The following CLIP1 variants were observed in gnomAD, a reference collection of about 807,000 sequenced individuals.
CLIP1 encodes the protein CAP-Gly domain-containing linker protein 1.
A neutral mutation model predicts 161.6 loss-of-function variants in CLIP1; 66 were observed. The observed-to-expected ratio is 0.41, with a 90% confidence interval of 0.33 to 0.50. The LOEUF (loss-of-function observed/expected upper bound fraction) is 0.50. CLIP1 is among the 20% of genes least tolerant of loss of function. The probability of loss-of-function intolerance (pLI) is 0.27; values close to 1 mark genes in which losing one functional copy is unlikely to be tolerated. For synonymous variants in CLIP1, 598 were observed against 626.2 expected (o/e 0.96, Z 0.67); for missense variants, 1,376 against 1,702.0 (o/e 0.81, Z 3.37).
chr12:122,361,815 G>A (rs1426190797), intron 4 of CLIP1, among the ~76,000 whole-genome samples: 2 of 152,180 alleles, frequency 1.3e-5, no homozygotes. Context: ...TGGGTGACGG[G>A]GTGGACTCTG....
chr12:122,314,290 C>CAAAA (rs35901280), intron 19 of CLIP1, among the ~76,000 whole-genome samples: 1 of 99,078 alleles, frequency 1.0e-5, no homozygotes, highest in Non-Finnish European at 2.1e-5. Flanking sequence ...GACTCCATCT[C>CAAAA]AAAAAAAAAA....
Position 122,393,482 on chromosome 12 carries a change from T to C in CLIP1, c.-106-12924A>G, listed in dbSNP as rs150599453. Among the ~76,000 whole-genome samples the C allele has an allele frequency of 5.9e-3, 903 of 152,194 alleles. 6 individuals carry two copies. The highest frequency in any genetic ancestry group is 0.021 in the African/African-American group (862 of 41,554). ...CAGCCAGACTGGCAATTTCAAGTTC[T>C]TACAACTTATGTGTACAGGATGGCT... On this transcript the variant is annotated intron_variant, in intron 1 of 25. Coordinates refer to ENST00000620786, the MANE Select transcript of CLIP1 (RefSeq NM_001247997.2).
chr12:122,356,334 T>C (rs1018532272), intron 5 of CLIP1, among the ~76,000 whole-genome samples: 1 of 152,226 alleles, frequency 6.6e-6, no homozygotes, highest in African/African-American at 2.4e-5. Flanking sequence ...CGACATCTGC[T>C]GGACTCTGTG....
intron 1 of CLIP1, among the ~76,000 whole-genome samples, chr12:122,383,516 T>C (rs533151198): frequency 6.6e-5 from 10 of 152,316 alleles, no homozygotes; most frequent in African/African-American, 2.4e-4. Flanking sequence ...TCCTCATGCC[T>C]CTGGTTGTCG....
At chr12:122,416,488 G>A (rs1247647566) in intron 1 of CLIP1, among the ~76,000 whole-genome samples, 2 of 152,152 alleles carry the variant, frequency 1.3e-5, no homozygotes, top group Non-Finnish European at 2.9e-5. Flanking sequence ...AGTCAGCACA[G>A]TAGTACAAGC....
At position 122,380,477 on chromosome 12, in the gene CLIP1, C is replaced by G. The variant is rs756517667; in HGVS notation, c.-25G>C. ...TTTTCTTTGTATGTCAGAGCTGTTT[C>G]TCCTTTGCCTGTTGCCACTATCTTT... On this transcript the variant is annotated 5_prime_UTR_variant, in exon 2 of 26. Transcript: ENST00000620786. 6.6e-7 allele frequency: 1 copy of G among 1,507,660 alleles called. No homozygotes were observed. 93.4% of individuals were successfully genotyped at this position (1,507,660 alleles called of 1,614,324 possible). A position where few individuals can be genotyped will look rare whatever the true frequency, so the allele number is the denominator to read the frequency against.
intron 4 of CLIP1, among the ~76,000 whole-genome samples, chr12:122,362,176 A>T (rs939494242): frequency 5.4e-5 from 8 of 149,248 alleles, no homozygotes; most frequent in Non-Finnish European, 1.0e-4. Flanking sequence ...ATGGTCTCGA[A>T]CTCCTGATCT....
intron 10 of CLIP1, chr12:122,342,032 C>A (rs918992156): frequency 1.2e-5 from 2 of 162,994 alleles, no homozygotes; most frequent in East Asian, 1.7e-4. Flanking sequence ...GATCCACTCG[C>A]CCCGGCCTCC....
At chr12:122,364,979 G>A (rs962613822) in intron 3 of CLIP1, 19 of 416,152 alleles carry the variant, frequency 4.6e-5, no homozygotes, top group East Asian at 3.2e-4. Flanking sequence ...GTAAACTATC[G>A]CAAGGACAAA....
chr12:122,285,611 T>C (rs1253401834), intron 21 of CLIP1, among the ~76,000 whole-genome samples: 1 of 151,744 alleles, frequency 6.6e-6, no homozygotes, highest in African/African-American at 2.4e-5. Context: ...AGTGCTGGGA[T>C]TACAGGCGTG....
intron 1 of CLIP1, chr12:122,396,493 T>C (rs2137031079): frequency 6.6e-6 from 1 of 152,298 alleles, no homozygotes; most frequent in Non-Finnish European, 1.5e-5. Flanking sequence ...TCAGAACAAT[T>C]ATCTCAATGG....
At chr12:122,347,571 C>T in intron 9 of CLIP1, 92 bp from the exon 10 acceptor site, 1 of 913,744 alleles carries the variant, frequency 1.1e-6, no homozygotes, top group Non-Finnish European at 1.8e-6. Context: ...GGCTGAGCCA[C>T]CAGTACCTTC....
chr12:122,379,533 A>G (rs912185522), intron 2 of CLIP1, among the ~76,000 whole-genome samples: 19 of 152,126 alleles, frequency 1.2e-4, no homozygotes, highest in Admixed American at 1.2e-3. Flanking sequence ...TGACAGTACC[A>G]CTGCCCTCCA....
At chr12:122,318,582 G>C (rs1951357454) in intron 18 of CLIP1, among the ~76,000 whole-genome samples, 1 of 152,020 alleles carries the variant, frequency 6.6e-6, no homozygotes, top group Non-Finnish European at 1.5e-5. Context: ...CAACAAAAAA[G>C]CATCTGAAGT....
chr12:122,385,371 A>G (rs922968745), intron 1 of CLIP1, among the ~76,000 whole-genome samples: 1 of 152,226 alleles, frequency 6.6e-6, no homozygotes, highest in Non-Finnish European at 1.5e-5. Context: ...TGCTGCAGCG[A>G]CGACACTGGA....
At chr12:122,288,577 C>T (rs1460341494) in intron 20 of CLIP1, 36 bp from the exon 21 acceptor site, 2 of 1,581,742 alleles carry the variant, frequency 1.3e-6, no homozygotes, top group East Asian at 4.5e-5. Flanking sequence ...AGTTCATAAC[C>T]AGGCCACAGA....
In CLIP1 at chr12:122,361,091, G is replaced by T; in HGVS notation, c.873C>A (p.Ala291=). The change falls in exon 5 of 26, where the codon GCC becomes GCA. Residue 291 remains alanine (A), a synonymous_variant. Coordinates refer to ENST00000620786, the MANE Select transcript of CLIP1 (RefSeq NM_001247997.2). ...IGFPSTTPAK[A]KANAVRRVMA... The stretch of plus-strand genomic sequence containing the variant: ...TCACTCGCCTCACTGCGTTGGCCTT[G>T]GCTTTGGCTGGTGTAGTGGAAGGGA... 2 of 1,614,254 alleles carry T rather than the reference G, an allele frequency of 1.2e-6. No individual in the cohort carries two copies. The highest frequency in any genetic ancestry group is 1.7e-6 in the Non-Finnish European group (2 of 1,180,050).
At position 122,355,595 on chromosome 12, in the gene CLIP1, G is replaced by C; in HGVS notation, c.1006-283C>G. 3.0e-6 allele frequency: 1 copy of C among 338,730 alleles called. No individual in the cohort carries two copies. The allele number at this position is 338,730 out of a possible 1,614,324, so 21.0% of individuals were successfully genotyped here. Reference sequence around the variant, plus strand: ...AGGCCAAGGCGGGTGGATCACTTGAGGCCAGGAGTTTGAGACCTGGCCAAG... The same window carrying C: ...AGGCCAAGGCGGGTGGATCACTTGACGCCAGGAGTTTGAGACCTGGCCAAG... On this transcript the variant is annotated intron_variant, in intron 5 of 25. Coordinates refer to ENST00000620786, the MANE Select transcript of CLIP1 (RefSeq NM_001247997.2). This position sits in a 1 kb window ranked among gnomAD's most constrained non-coding sequence, Gnocchi z 4.1.
At chr12:122,412,429 C>T (rs539526200) in intron 1 of CLIP1, among the ~76,000 whole-genome samples, 16 of 151,250 alleles carry the variant, frequency 1.1e-4, no homozygotes, top group South Asian at 6.3e-4. Flanking sequence ...CTGAGGTGGG[C>T]GGATTTCATG....
Sources: gnomAD v4.1 joint callset for allele counts (sites outside exome capture counted in the v4.1 genomes callset) on GRCh38, gnomAD v4.1.1 for gene constraint, Gnocchi (gnomAD v3.1) non-coding constraint, MANE v1.5 for transcripts, NCBI Gene and HGNC (gene_info 2026-07-23, HGNC 2026-07-21) for gene names.